COPG1: variants seen among roughly 807,000 people sequenced by gnomAD.
The protein encoded by COPG1 is coat protein complex I subunit gamma 1, also known as coatomer subunit gamma-1.
Under a neutral mutation model 102.8 loss-of-function variants are expected in COPG1, and 29 were observed. The observed-to-expected ratio is 0.28, with a 90% CI of 0.21 to 0.38. The LOEUF is 0.38. COPG1 is among the 10% of genes least tolerant of loss of function. The pLI is 1.00. For missense variants in COPG1, 875 were observed against 1,132.7 expected, an observed-to-expected ratio of 0.77 and a Z score of 3.27; for synonymous variants, 406 against 421.6, an observed-to-expected ratio of 0.96 and a Z score of 0.45.
chr3:129,255,603 C>T (rs1463473339), intron 7 of COPG1, among the ~76,000 whole-genome samples: 1 of 152,060 alleles, frequency 6.6e-6, no homozygotes, highest in Non-Finnish European at 1.5e-5. Context: ...ATGCCTCAGC[C>T]ACCTGAGTAG....
chr3:129,257,727 C>T lies in COPG1; in HGVS notation c.738C>T (p.Ser246=), dbSNP rs769241698. The T allele has an allele frequency of 9.3e-6, 15 of 1,613,898 alleles. No homozygotes were observed. In the South Asian group the frequency reaches 1.5e-4, roughly 17 times the overall value. Residue 246 remains serine (S), a splice_region_variant and synonymous_variant, in exon 10 of 24, where the codon AGC becomes AGT. Transcript: ENST00000314797. ...ASKQLEEEDG[S]RDSPLFDFIE... ...CTTGCCACCCTATGTTCTTTTGTAG[C>T]CGTGACAGCCCACTGTTTGACTTCA... is the stretch of plus-strand genomic sequence containing the variant.
intron 18 of COPG1, among the ~76,000 whole-genome samples, chr3:129,270,610 T>C (rs764960716): frequency 6.6e-6 from 1 of 152,212 alleles, no homozygotes; most frequent in African/African-American, 2.4e-5. Flanking sequence ...GGGCTTTTTA[T>C]TGCCTGCATA....
chr3:129,255,968 C>T lies in COPG1; in HGVS notation c.493-100C>T, dbSNP rs6788909. 16,775 of 959,272 alleles carry T rather than the reference C, an allele frequency of 0.017. 1,610 individuals carry two copies. The African/African-American group carries it at 0.22, about 13-fold the overall frequency. 59.4% of individuals were successfully genotyped at this position (959,272 alleles called of 1,614,324 possible). On this transcript the variant is annotated intron_variant, in intron 7 of 23. Transcript: ENST00000314797. The stretch of plus-strand genomic sequence containing the variant: ...TGGTCTCTGAGGACCAGGACAGTGG[C>T]GAGCCCCTGAGCTGTGTCTGAGGGA...
intron 17 of COPG1, 58 bp from the exon 18 acceptor site, chr3:129,268,874 A>G (rs1158524198): frequency 2.7e-6 from 4 of 1,501,720 alleles, no homozygotes; most frequent in South Asian, 2.3e-5. Context: ...TGGGGTCACC[A>G]CCACACTGCC....
At chr3:129,266,962 A>G in intron 14 of COPG1, 62 bp from the exon 15 acceptor site, 1 of 1,448,342 alleles carries the variant, frequency 6.9e-7, no homozygotes, top group Non-Finnish European at 9.7e-7. Flanking sequence ...GAGTGCTGGA[A>G]GTGCCCAAAC....
intron 8 of COPG1, 119 bp from the exon 9 acceptor site, chr3:129,257,351 G>T (rs1168591178): frequency 6.9e-6 from 7 of 1,021,850 alleles, no homozygotes; most frequent in Non-Finnish European, 1.5e-6. Context: ...CACTCTGTGT[G>T]GTAGCTGCTA....
chr3:129,269,413 C>T (rs1175540433), intron 18 of COPG1, among the ~76,000 whole-genome samples: 1 of 152,128 alleles, frequency 6.6e-6, no homozygotes, highest in African/African-American at 2.4e-5. Context: ...ATCCATCTGT[C>T]CTCTGGTGTT....
At position 129,275,003 on chromosome 3, in the gene COPG1, G is replaced by T; in HGVS notation, c.2395+27G>T. 1 of 1,612,272 alleles carries T rather than the reference G, an allele frequency of 6.2e-7. No individual in the cohort carries two copies. Among genetic ancestry groups the T allele is most frequent in the Admixed American group, 1.7e-5 (1 of 59,998 alleles). On this transcript the variant is annotated intron_variant, in intron 22 of 23. Transcript: ENST00000314797. The surrounding 1 kb of genome is among the most constrained non-coding windows in gnomAD (Gnocchi z 5.0). ...TAAAATCCTGGGAATGCCATCTCTG[G>T]CCTAATTACTGTTCAAGATCTTTGG...
At chr3:129,267,220 AG>A in intron 15 of COPG1, 121 bp downstream of exon 15, 1 of 673,714 alleles carries the variant, frequency 1.5e-6, no homozygotes, top group Non-Finnish European at 2.5e-6. Flanking sequence ...TACTGATTGT[AG>A]AAAAAAAAGA....
At chr3:129,266,615 G>A (rs1940066148) in intron 14 of COPG1, among the ~76,000 whole-genome samples, 1 of 151,960 alleles carries the variant, frequency 6.6e-6, no homozygotes, top group Non-Finnish European at 1.5e-5. Flanking sequence ...TCTTCTTTCA[G>A]CAATAAATGA....
chr3:129,267,220 A>AG, intron 15 of COPG1, 121 bp downstream of exon 15: 1 of 673,714 alleles, frequency 1.5e-6, no homozygotes, highest in Non-Finnish European at 2.5e-6. Context: ...TACTGATTGT[A>AG]GAAAAAAAAG....
At chr3:129,268,681 T>C (rs912585252) in intron 17 of COPG1, 61 bp downstream of exon 17, 1 of 1,585,070 alleles carries the variant, frequency 6.3e-7, no homozygotes, top group African/African-American at 1.3e-5. Context: ...GGGTCTGCAT[T>C]GGCTGCAAAG....
Position 129,257,771 on chromosome 3 carries a change from A to G in COPG1, c.782A>G (p.Asn261Ser). ...GACTTCATCGAGAGCTGCTTGCGCA[A>G]CAAGCACGAGATGGTGGTGTATGAA... ...LFDFIESCLR[N>S]KHEMVVYEAA... The change falls in exon 10 of 24, where the codon AAC becomes AGC. Residue 261 changes from asparagine to serine, a missense_variant. Transcript: ENST00000314797. 6.2e-7 allele frequency: 1 copy of G among 1,614,132 alleles called. No individual in the cohort carries two copies. The highest frequency in any genetic ancestry group is 1.1e-5 in the South Asian group (1 of 91,082).
At position 129,271,139 on chromosome 3, in the gene COPG1, C is replaced by T. The variant is rs1940174338; in HGVS notation, c.1844-628C>T. Among the ~76,000 whole-genome samples the T allele has an allele frequency of 6.6e-6, 1 of 152,162 alleles. No individual in the cohort carries two copies. Among genetic ancestry groups the T allele is most frequent in the Non-Finnish European group, 1.5e-5 (1 of 68,028 alleles). On this transcript the variant is annotated intron_variant, in intron 18 of 23. Coordinates refer to ENST00000314797, the MANE Select transcript of COPG1 (RefSeq NM_016128.4). The surrounding 1 kb of genome is among the most constrained non-coding windows in gnomAD (Gnocchi z 4.7). ...ATGCCTCATTCACTTGGGTTATTCC[C>T]TTTAGTTTGCAAGGAATGCCAGGAC... is the stretch of plus-strand genomic sequence containing the variant.
At chr3:129,262,228 A>AT in intron 12 of COPG1, among the ~76,000 whole-genome samples, 1 of 151,758 alleles carries the variant, frequency 6.6e-6, no homozygotes, top group Non-Finnish European at 1.5e-5. Flanking sequence ...AGTCTGGGCA[A>AT]TGTAGCAAGA....
intron 12 of COPG1, among the ~76,000 whole-genome samples, chr3:129,261,521 A>G (rs1221397541): frequency 6.6e-6 from 1 of 152,226 alleles, no homozygotes; most frequent in Non-Finnish European, 1.5e-5. Context: ...CTTTTGGGGC[A>G]GGAGGAAGGA....
chr3:129,268,063 T>G, intron 16 of COPG1, 23 bp downstream of exon 16: 1 of 1,571,476 alleles, frequency 6.4e-7, no homozygotes. Context: ...CTGGCTATCT[T>G]GGACTCAGCA....
intron 23 of COPG1, 42 bp from the exon 24 acceptor site, chr3:129,277,252 C>A: frequency 6.2e-7 from 1 of 1,609,900 alleles, no homozygotes; most frequent in South Asian, 1.1e-5. Flanking sequence ...CCTGTACAGT[C>A]CCTTCTGCTG....
At position 129,268,467 on chromosome 3, in the gene COPG1, A is replaced by T. The variant is rs527760584; in HGVS notation, c.1649-28A>T. On this transcript the variant is annotated intron_variant, in intron 16 of 23. Transcript: ENST00000314797. ...TGGTGCACATTTTGCTCTATCTGCC[A>T]GGCATGGTGACCTCTCTTCACCTCC... 3.2e-5 allele frequency: 51 copies of T among 1,611,112 alleles called. No individual in the cohort carries two copies. The South Asian group carries it at 5.2e-4, about 16-fold the overall frequency.
Sources: allele counts gnomAD v4.1 joint callset (sites outside exome capture counted in the v4.1 genomes callset), GRCh38; gene constraint gnomAD v4.1.1; non-coding constraint Gnocchi (gnomAD v3.1); transcripts MANE v1.5; gene names NCBI Gene and HGNC (gene_info 2026-07-23, HGNC 2026-07-21).